Variants in COL5A1 observed in about 807,000 individuals in gnomAD.
The protein encoded by COL5A1 is collagen type V alpha 1 chain.
Under a neutral mutation model 263.7 loss-of-function variants are expected in COL5A1, and 16 were observed. The observed-to-expected ratio is 0.06, with a 90% CI of 0.04 to 0.09. The LOEUF (loss-of-function observed/expected upper bound fraction) is 0.09. Among genes scored for constraint, COL5A1 ranks in the 10% least tolerant of loss-of-function variants. The pLI is 1.00. For missense variants in COL5A1, 2,036 were observed against 2,540.5 expected, an observed-to-expected ratio of 0.80 and a Z score of 4.27; for synonymous variants, 1,012 against 1,004.5, an observed-to-expected ratio of 1.01 and a Z score of -0.14.
At chr9:134,750,410 G>A in intron 11 of COL5A1, 132 bp from the exon 12 acceptor site, 1 of 795,998 alleles carries the variant, frequency 1.3e-6, no homozygotes, top group Admixed American at 2.0e-5. Context: ...TCCTGCCACG[G>A]GGTCTCACAG....
Position 134,802,020 on chromosome 9 carries a change from C to A in COL5A1, c.3006+13C>A, listed in dbSNP as rs1402666884. Reference sequence around the variant, plus strand: ...GGTCGGCCCTCAGGTAAGCTCCAGCCTTCCCAGATTCCATGGGTCACTCGG... The same window carrying A: ...GGTCGGCCCTCAGGTAAGCTCCAGCATTCCCAGATTCCATGGGTCACTCGG... On this transcript the variant is annotated intron_variant, in intron 38 of 65. Transcript: ENST00000371817. The A allele has an allele frequency of 1.9e-6, 3 of 1,613,122 alleles. No individual in the cohort carries two copies. Among genetic ancestry groups the A allele is most frequent in the South Asian group, 2.2e-5 (2 of 91,084 alleles).
rs531078308 is a variant in COL5A1, at chr9:134,778,674, C to T, written c.2386-1428C>T. ...CCCACCTTGCCCTCCCGGCTGCCTCCGCCCTGTGCTGGGCGTAGAGGGAGG... is the reference window on the plus strand; with the variant it reads ...CCCACCTTGCCCTCCCGGCTGCCTCTGCCCTGTGCTGGGCGTAGAGGGAGG... On this transcript the variant is annotated intron_variant, in intron 27 of 65. Transcript: ENST00000371817. Among the ~76,000 whole-genome samples the T allele has an allele frequency of 1.2e-4, 19 of 152,360 alleles. No individual in the cohort carries two copies. The South Asian group carries it at 3.7e-3, about 30-fold the overall frequency.
chr9:134,649,499 G>C, intron 1 of COL5A1: 3 of 471,210 alleles, frequency 6.4e-6, no homozygotes, highest in South Asian at 4.7e-5. Context: ...TCCTAGACCC[G>C]TGTTCTTGTA....
intron 4 of COL5A1, among the ~76,000 whole-genome samples, chr9:134,706,450 A>G (rs1833841471): frequency 6.6e-6 from 1 of 152,106 alleles, no homozygotes; most frequent in African/African-American, 2.4e-5. Flanking sequence ...GGCATCCTGC[A>G]GAAGGTGGGG....
intron 64 of COL5A1, among the ~76,000 whole-genome samples, chr9:134,834,735 AG>A (rs1839782600): frequency 6.6e-6 from 1 of 152,094 alleles, no homozygotes; most frequent in Non-Finnish European, 1.5e-5. Context: ...AGCCAAGAGA[AG>A]TGGGTGGATT....
intron 4 of COL5A1, chr9:134,708,845 C>T: frequency 2.2e-6 from 1 of 456,664 alleles, no homozygotes; most frequent in Non-Finnish European, 4.4e-6. Flanking sequence ...CGGGGCCGTG[C>T]TCCCTCTGAA....
At position 134,727,251 on chromosome 9, in the gene COL5A1, T is replaced by C; in HGVS notation, c.655-15T>C. 6.2e-7 allele frequency: 1 copy of C among 1,613,170 alleles called. No homozygotes were observed. Among genetic ancestry groups the C allele is most frequent in the Non-Finnish European group, 8.5e-7 (1 of 1,179,934 alleles). On this transcript the variant is annotated splice_polypyrimidine_tract_variant and intron_variant, in intron 4 of 65. Coordinates refer to ENST00000371817, the MANE Select transcript of COL5A1 (RefSeq NM_000093.5). ...TCTGTGAGCTGCTTTTTCATGAGCGTCTCTTCTTTTCCAGGGTGACATCCA... is the reference window on the plus strand; with the variant it reads ...TCTGTGAGCTGCTTTTTCATGAGCGCCTCTTCTTTTCCAGGGTGACATCCA...
intron 1 of COL5A1, among the ~76,000 whole-genome samples, chr9:134,662,389 C>CT (rs1341302362): frequency 6.6e-6 from 1 of 152,250 alleles, no homozygotes; most frequent in East Asian, 1.9e-4. Context: ...CGGCTGCCTC[C>CT]TTCTTTTCCA....
intron 60 of COL5A1, 54 bp from the exon 61 acceptor site, chr9:134,823,362 C>G: frequency 6.3e-7 from 1 of 1,594,830 alleles, no homozygotes; most frequent in Non-Finnish European, 8.6e-7. Context: ...AAGGTGGATT[C>G]AAAGTCCCCT....
chr9:134,840,638 C>T (rs1336797205), intron 65 of COL5A1, among the ~76,000 whole-genome samples: 1 of 152,198 alleles, frequency 6.6e-6, no homozygotes, highest in Non-Finnish European at 1.5e-5. Context: ...CACGACAAAT[C>T]TCGCCAGCTG....
Position 134,642,638 on chromosome 9 carries a change from C to T in COL5A1, c.109+342C>T, listed in dbSNP as rs1340326810. ...CCTTCTCTGTCCCACATCACAGGCGCCCAGCTTGGGCCCTCACAGCCCTAC... is the reference window on the plus strand; with the variant it reads ...CCTTCTCTGTCCCACATCACAGGCGTCCAGCTTGGGCCCTCACAGCCCTAC... On this transcript the variant is annotated intron_variant, in intron 1 of 65. Coordinates refer to ENST00000371817, the MANE Select transcript of COL5A1 (RefSeq NM_000093.5). This position sits in a 1 kb window ranked among gnomAD's most constrained non-coding sequence, Gnocchi z 4.5. Among the ~76,000 whole-genome samples the T allele has an allele frequency of 6.6e-6, 1 of 152,228 alleles. No homozygotes were observed. The highest frequency in any genetic ancestry group is 2.1e-4 in the South Asian group (1 of 4,838).
In COL5A1 at chr9:134,647,466, T is replaced by C. The variant is rs1328941553; in HGVS notation, c.109+5170T>C. ...CTGCCTGCACACATGTGTTTGTGGG[T>C]ATACATGTGTGTTTGAGTGTGCACG... On this transcript the variant is annotated intron_variant, in intron 1 of 65. Coordinates refer to ENST00000371817, the MANE Select transcript of COL5A1 (RefSeq NM_000093.5). This position sits in a 1 kb window ranked among gnomAD's most constrained non-coding sequence, Gnocchi z 5.0. 6.6e-6 allele frequency among the ~76,000 whole-genome samples: 1 copy of C among 152,180 alleles called. No homozygotes were observed. The highest frequency in any genetic ancestry group is 1.5e-5 in the Non-Finnish European group (1 of 68,030).
Position 134,674,754 on chromosome 9 carries a change from C to T in COL5A1, c.110-16158C>T, listed in dbSNP as rs973053749. ...TACAAAAGTTAGCTGGGTATAGTGGCGCATGTAATCCAGCTATTTGGGAAG... is the reference window on the plus strand; with the variant it reads ...TACAAAAGTTAGCTGGGTATAGTGGTGCATGTAATCCAGCTATTTGGGAAG... On this transcript the variant is annotated intron_variant, in intron 1 of 65. Coordinates refer to ENST00000371817, the MANE Select transcript of COL5A1 (RefSeq NM_000093.5). Among the ~76,000 whole-genome samples, 13 of 151,986 alleles carry T rather than the reference C, an allele frequency of 8.6e-5. No homozygotes were observed. The East Asian group carries it at 9.7e-4, about 11-fold the overall frequency.
chr9:134,672,231 A>G (rs73665731), intron 1 of COL5A1, among the ~76,000 whole-genome samples: 35,656 of 152,162 alleles, frequency 0.23, 5,271 homozygotes, highest in African/African-American at 0.42. Context: ...TTTGTTATAA[A>G]AGCAATATGT....
chr9:134,645,964 TTTCCTCCCTCTC>T (rs1831462795), intron 1 of COL5A1, among the ~76,000 whole-genome samples: 2 of 150,344 alleles, frequency 1.3e-5, no homozygotes, highest in Admixed American at 6.6e-5. Context: ...TCCTTCCTTC[TTTCCTCCCTCTC>T]TTCCTCCCTC....
At chr9:134,767,169 C>T in intron 23 of COL5A1, 116 bp downstream of exon 23, 1 of 1,422,188 alleles carries the variant, frequency 7.0e-7, no homozygotes, top group East Asian at 2.3e-5. Flanking sequence ...AGCAGCCCCT[C>T]CCCTTATCTG....
intron 4 of COL5A1, among the ~76,000 whole-genome samples, chr9:134,723,693 G>A (rs780318872): frequency 7.9e-5 from 12 of 152,236 alleles, no homozygotes; most frequent in Non-Finnish European, 1.6e-4. Flanking sequence ...GCACCCTTCT[G>A]GATGGGGCGA....
intron 13 of COL5A1, among the ~76,000 whole-genome samples, chr9:134,751,370 A>G (rs1352993588): frequency 6.6e-6 from 1 of 152,130 alleles, no homozygotes; most frequent in Non-Finnish European, 1.5e-5. Flanking sequence ...CCCACCTTCC[A>G]CCGTTGGTGA....
At position 134,649,545 on chromosome 9, in the gene COL5A1, A is replaced by G. The variant is rs193086381; in HGVS notation, c.109+7249A>G. 1,076 of 470,462 alleles carry G rather than the reference A, an allele frequency of 2.3e-3. 9 individuals are homozygous for G. Among genetic ancestry groups the G allele is most frequent in the African/African-American group, 0.02 (988 of 50,124 alleles). The allele number at this position is 470,462 out of a possible 1,614,324, so 29.1% of individuals were successfully genotyped here. On this transcript the variant is annotated intron_variant, in intron 1 of 65. Coordinates refer to ENST00000371817, the MANE Select transcript of COL5A1 (RefSeq NM_000093.5). ...CTCTTCTGTCCTTTTCTTCCTTGCC[A>G]GGACCTCGGCAATAGGGTTTCTGGT...
Sources: gnomAD v4.1 joint callset for allele counts (sites outside exome capture counted in the v4.1 genomes callset) on GRCh38, gnomAD v4.1.1 for gene constraint, Gnocchi (gnomAD v3.1) non-coding constraint, MANE v1.5 for transcripts, NCBI Gene and HGNC (gene_info 2026-07-23, HGNC 2026-07-21) for gene names.